The following RYR2 variants were observed in gnomAD, a reference collection of about 807,000 sequenced individuals.
RYR2 encodes the protein cardiac muscle ryanodine receptor-calcium release channel.
A neutral mutation model predicts 601.1 loss-of-function variants in RYR2; 227 were observed. That is an observed-to-expected ratio of 0.38 (90% CI 0.34 to 0.42). RYR2 has a LOEUF of 0.42. Ranked by LOEUF, RYR2 falls within the 10% of genes least tolerant of loss-of-function variation. The pLI, the probability that RYR2 is intolerant of heterozygous loss-of-function variation, is 1.00. For synonymous variants in RYR2, 2,223 were observed against 2,175.1 expected, an observed-to-expected ratio of 1.02 and a Z score of -0.61; for missense variants, 4,646 against 6,156.5, an observed-to-expected ratio of 0.75 and a Z score of 8.21.
At chr1:237,629,669 G>GA (rs1680047036) in intron 41 of RYR2, among the ~76,000 whole-genome samples, 2 of 151,868 alleles carry the variant, frequency 1.3e-5, no homozygotes, top group African/African-American at 2.4e-5. Context: ...TTAATTCTTT[G>GA]AAAAAAACGA....
intron 6 of RYR2, among the ~76,000 whole-genome samples, chr1:237,370,592 T>A (rs1035513126): frequency 2.0e-5 from 3 of 152,000 alleles, no homozygotes; most frequent in African/African-American, 7.3e-5. Context: ...GCCCGTGCAG[T>A]TGAAACCTGT....
intron 100 of RYR2, among the ~76,000 whole-genome samples, chr1:237,811,909 T>C (rs1011771718): frequency 2.0e-5 from 3 of 152,234 alleles, no homozygotes; most frequent in African/African-American, 7.2e-5. Context: ...CTGATGTTCA[T>C]GGTTGTTCAT....
At chr1:237,514,143 C>T (rs1026641778) in intron 24 of RYR2, among the ~76,000 whole-genome samples, 1 of 152,190 alleles carries the variant, frequency 6.6e-6, no homozygotes, top group Non-Finnish European at 1.5e-5. Flanking sequence ...TTCATAGCAG[C>T]TCATTATTTC....
intron 1 of RYR2, among the ~76,000 whole-genome samples, chr1:237,131,631 G>C (rs1238274538): frequency 6.6e-6 from 1 of 152,150 alleles, no homozygotes. Context: ...AGAAATGCTA[G>C]AATTGGAAAA....
intron 49 of RYR2, among the ~76,000 whole-genome samples, chr1:237,649,031 T>C (rs916302168): frequency 1.5e-4 from 23 of 152,268 alleles, no homozygotes; most frequent in African/African-American, 5.5e-4. Flanking sequence ...GTTGAGTCAG[T>C]ATCATCTTGG....
chr1:237,591,722 C>T lies in RYR2; in HGVS notation c.4161-17C>T, dbSNP rs1237981976. On this transcript the variant is annotated splice_polypyrimidine_tract_variant and intron_variant, in intron 31 of 104. Transcript: ENST00000366574. ...CATTTTAATGTTGCTTATTGTTAGT[C>T]CTCTGAAATATTTCAGATTTTTGCT... is the stretch of plus-strand genomic sequence containing the variant. The T allele has an allele frequency of 2.6e-6, 4 of 1,558,420 alleles. No individual in the cohort carries two copies. Among genetic ancestry groups the T allele is most frequent in the East Asian group, 2.3e-5 (1 of 44,404 alleles).
chr1:237,774,875 G>T (rs534731323), intron 87 of RYR2, among the ~76,000 whole-genome samples: 2 of 151,876 alleles, frequency 1.3e-5, no homozygotes, highest in African/African-American at 2.4e-5. Flanking sequence ...AAACATAACC[G>T]CCATTTCAGC....
intron 37 of RYR2, among the ~76,000 whole-genome samples, chr1:237,616,284 T>C (rs1194358398): frequency 6.6e-6 from 1 of 152,210 alleles, no homozygotes; most frequent in Non-Finnish European, 1.5e-5. Flanking sequence ...TATAGATTTT[T>C]TTAAAAATTT....
chr1:237,465,680 G>A (rs543212760), intron 16 of RYR2, among the ~76,000 whole-genome samples: 6 of 152,194 alleles, frequency 3.9e-5, no homozygotes, highest in East Asian at 1.9e-4. Flanking sequence ...CCTACTGCGC[G>A]GCTACGCTAT....
At chr1:237,692,433 AT>A (rs1489796282) in intron 63 of RYR2, among the ~76,000 whole-genome samples, 1 of 152,108 alleles carries the variant, frequency 6.6e-6, no homozygotes, top group East Asian at 1.9e-4. Flanking sequence ...CACTTCTCTG[AT>A]TACACTCCTG....
chr1:237,334,254 C>T (rs936743410), intron 3 of RYR2, among the ~76,000 whole-genome samples: 1 of 151,950 alleles, frequency 6.6e-6, no homozygotes, highest in Non-Finnish European at 1.5e-5. Flanking sequence ...AAATCATGAA[C>T]ATTACGATAA....
At chr1:237,378,214 A>G (rs753990983) in intron 8 of RYR2, among the ~76,000 whole-genome samples, 8 of 152,172 alleles carry the variant, frequency 5.3e-5, no homozygotes, top group Non-Finnish European at 1.0e-4. Context: ...GACCCCCATT[A>G]TTTAATTACC....
chr1:237,055,126 C>G (rs1410890587), intron 1 of RYR2, among the ~76,000 whole-genome samples: 2 of 152,144 alleles, frequency 1.3e-5, no homozygotes, highest in African/African-American at 4.8e-5. Flanking sequence ...CAGTTAAACC[C>G]TTGAGAGTGC....
Position 237,727,129 on chromosome 1 carries a change from C to T in RYR2, c.10768C>T (p.Leu3590=), listed in dbSNP as rs755910898. Residue 3590 remains leucine (L), a synonymous_variant, in exon 76 of 105, where the codon CTA becomes TTA. Transcript: ENST00000366574. Reference sequence around the variant, plus strand: ...ATCTAAAAAGGCTGTATGGCATAAACTACTGTCCAAGCAGAGGAAAAGGGC... The same window carrying T: ...ATCTAAAAAGGCTGTATGGCATAAATTACTGTCCAAGCAGAGGAAAAGGGC... ...QRSKKAVWHK[L]LSKQRKRAVV... 2.5e-6 allele frequency: 4 copies of T among 1,606,932 alleles called. No homozygotes were observed. In the East Asian group the frequency reaches 6.7e-5, roughly 27 times the overall value.
At chr1:237,517,894 T>G (rs1341745053) in intron 24 of RYR2, among the ~76,000 whole-genome samples, 1 of 152,128 alleles carries the variant, frequency 6.6e-6, no homozygotes, top group East Asian at 1.9e-4. Context: ...AGATGCCAAC[T>G]TGCTTAGATA....
intron 14 of RYR2, among the ~76,000 whole-genome samples, chr1:237,449,249 T>C (rs961882983): frequency 1.3e-5 from 2 of 152,220 alleles, no homozygotes; most frequent in Non-Finnish European, 2.9e-5. Flanking sequence ...TGTAATATTT[T>C]GTTTGTATTT....
intron 1 of RYR2, among the ~76,000 whole-genome samples, chr1:237,222,911 C>T (rs887258580): frequency 1.3e-5 from 2 of 152,070 alleles, no homozygotes; most frequent in African/African-American, 4.8e-5. Context: ...ACTAAAAATA[C>T]AAAATTATCC....
intron 2 of RYR2, among the ~76,000 whole-genome samples, chr1:237,298,133 A>G (rs1272896544): frequency 6.6e-6 from 1 of 152,106 alleles, no homozygotes; most frequent in African/African-American, 2.4e-5. Flanking sequence ...AAGTTACATC[A>G]TTCTCTTAAC....
At chr1:237,831,760 A>C (rs2102958863) in intron 104 of RYR2, among the ~76,000 whole-genome samples, 195 bp downstream of exon 104, 1 of 152,328 alleles carries the variant, frequency 6.6e-6, no homozygotes, top group South Asian at 2.1e-4. Flanking sequence ...TTCTGTACTA[A>C]GTTTATGTAA....
Sources: gnomAD v4.1 joint callset for allele counts (sites outside exome capture counted in the v4.1 genomes callset) on GRCh38, gnomAD v4.1.1 for gene constraint, MANE v1.5 for transcripts, NCBI Gene and HGNC (gene_info 2026-07-23, HGNC 2026-07-21) for gene names.